Variants in LHFPL3 observed in about 807,000 individuals in gnomAD.
LHFPL3 encodes the protein LHFPL tetraspan subfamily member 3, also known as LHFPL tetraspan subfamily member 3 protein.
Under a neutral mutation model 19.3 loss-of-function variants are expected in LHFPL3, and 5 were observed. The observed-to-expected ratio is 0.26, with a 90% confidence interval of 0.14 to 0.54. The LOEUF is 0.54. Among genes scored for constraint, LHFPL3 ranks in the 20% least tolerant of loss-of-function variants. The pLI is 0.94. For synonymous variants in LHFPL3, 133 were observed against 126.2 expected, an observed-to-expected ratio of 1.05 and a Z score of -0.36; for missense variants, 249 against 307.4, an observed-to-expected ratio of 0.81 and a Z score of 1.42.
intron 1 of LHFPL3, among the ~76,000 whole-genome samples, chr7:104,409,331 TGTGTGTGTGTCTGTGTGA>T (rs1791489903): frequency 6.6e-6 from 1 of 151,524 alleles, no homozygotes; most frequent in Non-Finnish European, 1.5e-5. Flanking sequence ...TGTGTGTGTG[TGTGTGTGTGTCTGTGTGA>T]AAGTTATCAA....
At chr7:104,758,034 T>A (rs1422393146) in intron 2 of LHFPL3, among the ~76,000 whole-genome samples, 1 of 152,100 alleles carries the variant, frequency 6.6e-6, no homozygotes, top group Admixed American at 6.6e-5. Flanking sequence ...AATAGAAGAA[T>A]GAAATCATGT....
In LHFPL3 at chr7:104,637,793, A is replaced by G. The variant is rs561035454; in HGVS notation, c.446-98882A>G. Among the ~76,000 whole-genome samples, 254 of 123,104 alleles carry G rather than the reference A, an allele frequency of 2.1e-3. 2 individuals carry two copies. The highest frequency in any genetic ancestry group is 7.2e-3 in the African/African-American group (236 of 32,860). The allele number at this position is 123,104 out of a possible 152,430, so 80.8% of individuals were successfully genotyped here. ...GTTTTGGTTATTGTAGCCCTTTAGT[A>G]TAGTTTGAAGTCAGGTAATGTGATG... is the stretch of plus-strand genomic sequence containing the variant. On this transcript the variant is annotated intron_variant, in intron 1 of 2. Transcript: ENST00000424859.
intron 2 of LHFPL3, among the ~76,000 whole-genome samples, chr7:104,829,872 T>C (rs1790916015): frequency 6.6e-6 from 1 of 151,954 alleles, no homozygotes; most frequent in Non-Finnish European, 1.5e-5. Context: ...GGTCAAATGG[T>C]ATTTCTAGTT....
intron 1 of LHFPL3, among the ~76,000 whole-genome samples, chr7:104,677,149 G>A (rs1307823977): frequency 6.6e-6 from 1 of 152,222 alleles, no homozygotes; most frequent in Non-Finnish European, 1.5e-5. Flanking sequence ...GCCAAGACAG[G>A]AGGATATTTT....
At position 104,619,694 on chromosome 7, in the gene LHFPL3, G is replaced by A. The variant is rs1219095603; in HGVS notation, c.446-116981G>A. Among the ~76,000 whole-genome samples the A allele has an allele frequency of 2.6e-5, 4 of 152,162 alleles. No homozygotes were observed. In the East Asian group the frequency reaches 5.8e-4, roughly 22 times the overall value. ...ATTAGCTGGCTCAAGCAGTGTTCTC[G>A]ATGGGGGGAGAATAACAATGTCACA... is the stretch of plus-strand genomic sequence containing the variant. On this transcript the variant is annotated intron_variant, in intron 1 of 2. Coordinates refer to ENST00000424859, the MANE Select transcript of LHFPL3 (RefSeq NM_199000.3).
intron 1 of LHFPL3, among the ~76,000 whole-genome samples, chr7:104,554,851 G>A (rs182141631): frequency 1.3e-5 from 2 of 152,290 alleles, no homozygotes; most frequent in East Asian, 3.9e-4. Context: ...ATAACTCTCA[G>A]TCCAACCCTG....
intron 1 of LHFPL3, among the ~76,000 whole-genome samples, chr7:104,538,106 T>A (rs1794421862): frequency 6.6e-6 from 1 of 152,228 alleles, no homozygotes; most frequent in African/African-American, 2.4e-5. Flanking sequence ...TTACTTACCA[T>A]GCACTATTAT....
At chr7:104,600,438 T>C (rs1562946745) in intron 1 of LHFPL3, among the ~76,000 whole-genome samples, 1 of 152,234 alleles carries the variant, frequency 6.6e-6, no homozygotes. Flanking sequence ...ACACACGTTC[T>C]AATAGAATCT....
intron 2 of LHFPL3, among the ~76,000 whole-genome samples, chr7:104,767,687 T>G (rs1019218865): frequency 5.9e-5 from 9 of 152,144 alleles, no homozygotes; most frequent in Non-Finnish European, 1.3e-4. Context: ...GGGAGAAATT[T>G]TATTGAAAAA....
chr7:104,533,770 C>G (rs1297115418), intron 1 of LHFPL3, among the ~76,000 whole-genome samples: 1 of 152,218 alleles, frequency 6.6e-6, no homozygotes, highest in African/African-American at 2.4e-5. Context: ...GCTTCCATCT[C>G]TGCTAGTTTC....
chr7:104,398,493 GC>G (rs1294921894), intron 1 of LHFPL3, among the ~76,000 whole-genome samples: 1 of 152,142 alleles, frequency 6.6e-6, no homozygotes, highest in African/African-American at 2.4e-5. Flanking sequence ...AAGAGAGGGG[GC>G]ATCTGAGAAA....
intron 2 of LHFPL3, among the ~76,000 whole-genome samples, chr7:104,782,236 C>T (rs1789818114): frequency 1.3e-5 from 2 of 152,186 alleles, no homozygotes; most frequent in African/African-American, 4.8e-5. Context: ...CACATGGTCT[C>T]TTCAGCAAAG....
At chr7:104,904,486 A>G (rs1792558290) in intron 2 of LHFPL3, among the ~76,000 whole-genome samples, 1 of 152,158 alleles carries the variant, frequency 6.6e-6, no homozygotes, top group South Asian at 2.1e-4. Context: ...CCCTGTCTCT[A>G]CTAAAAACAC....
rs6949376 is a variant in LHFPL3 at position 104,469,958 on chromosome 7, C to T, written c.445+140734C>T. ...TATAGCACAATCATAGAAAACTGTA[C>T]GGAAATAGGTGGTTGCGCTTGAAAT... On this transcript the variant is annotated intron_variant, in intron 1 of 2. Coordinates refer to ENST00000424859, the MANE Select transcript of LHFPL3 (RefSeq NM_199000.3). The T allele has an allele frequency of 7.7e-4, 349 of 455,208 alleles. 1 individual carries two copies. Among genetic ancestry groups the T allele is most frequent in the African/African-American group, 5.7e-3 (287 of 50,132 alleles). The allele number at this position is 455,208 out of a possible 1,614,324, so 28.2% of individuals were successfully genotyped here. A position where few individuals can be genotyped will look rare whatever the true frequency, so the allele number is the denominator to read the frequency against.
intron 1 of LHFPL3, among the ~76,000 whole-genome samples, chr7:104,384,241 G>T (rs1185478210): frequency 6.6e-6 from 1 of 152,040 alleles, no homozygotes; most frequent in Admixed American, 6.6e-5. Context: ...TTAAATAAAA[G>T]GTTTAAGAAT....
At chr7:104,891,518 C>T (rs1792246482) in intron 2 of LHFPL3, among the ~76,000 whole-genome samples, 1 of 152,118 alleles carries the variant, frequency 6.6e-6, no homozygotes, top group Non-Finnish European at 1.5e-5. Context: ...TTAAAGGTCC[C>T]ACTGTTAATA....
chr7:104,395,181 A>G (rs1791159055), intron 1 of LHFPL3, among the ~76,000 whole-genome samples: 1 of 152,198 alleles, frequency 6.6e-6, no homozygotes, highest in African/African-American at 2.4e-5. Flanking sequence ...ATTTGGTGTT[A>G]GATAGCTTAC....
intron 2 of LHFPL3, chr7:104,799,768 G>T (rs1425438189): frequency 6.5e-6 from 1 of 153,094 alleles, no homozygotes; most frequent in African/African-American, 2.4e-5. Flanking sequence ...TCATGCTGTT[G>T]CTTCCCACAC....
chr7:104,365,616 C>T (rs1397762724), intron 1 of LHFPL3, among the ~76,000 whole-genome samples: 4 of 147,784 alleles, frequency 2.7e-5, no homozygotes, highest in Non-Finnish European at 4.5e-5. Flanking sequence ...CCCGTCTCTA[C>T]TAAAAATACA....
Sources: gnomAD v4.1 joint callset for allele counts (sites outside exome capture counted in the v4.1 genomes callset) on GRCh38, gnomAD v4.1.1 for gene constraint, MANE v1.5 for transcripts, NCBI Gene and HGNC (gene_info 2026-07-23, HGNC 2026-07-21) for gene names.